CACNB2: variants seen among roughly 807,000 people sequenced by gnomAD.
CACNB2 encodes calcium voltage-gated channel auxiliary subunit beta 2.
A neutral mutation model predicts 73.3 loss-of-function variants in CACNB2; 42 were observed. That is an observed-to-expected ratio of 0.57 (90% CI 0.45 to 0.74). CACNB2 has a LOEUF of 0.74. CACNB2 is among the 30% of genes least tolerant of loss of function. The pLI, the probability that CACNB2 is intolerant of heterozygous loss-of-function variation, is 0.00. For missense variants in CACNB2, 940 were observed against 853.0 expected (o/e 1.10, Z -1.27); for synonymous variants, 348 against 310.3 (o/e 1.12, Z -1.28).
At chr10:18,481,230 A>ATTT (rs1183940542) in intron 3 of CACNB2, among the ~76,000 whole-genome samples, 8 of 17,978 alleles carry the variant, frequency 4.4e-4, no homozygotes, top group African/African-American at 4.7e-4. Context: ...ATATATATAT[A>ATTT]TTTTTTTTTT....
intron 2 of CACNB2, among the ~76,000 whole-genome samples, chr10:18,247,382 A>G (rs903563233): frequency 2.6e-5 from 4 of 152,188 alleles, no homozygotes; most frequent in Admixed American, 6.5e-5. Context: ...CCATTCAAAC[A>G]TATTTTTACT....
chr10:18,400,806 C>G, intron 2 of CACNB2: 2 of 1,437,162 alleles, frequency 1.4e-6, no homozygotes, highest in Non-Finnish European at 1.8e-6. Flanking sequence ...ATATAAAGCA[C>G]TCGAGTGTGT....
chr10:18,532,782 A>C (rs2053196074), intron 10 of CACNB2, among the ~76,000 whole-genome samples: 1 of 152,114 alleles, frequency 6.6e-6, no homozygotes, highest in Admixed American at 6.5e-5. Flanking sequence ...GCAAGGAGTT[A>C]CACGGGATGC....
At chr10:18,294,299 G>T in intron 2 of CACNB2, among the ~76,000 whole-genome samples, 1 of 152,180 alleles carries the variant, frequency 6.6e-6, no homozygotes, top group East Asian at 1.9e-4. Flanking sequence ...TGACAGTGTA[G>T]CTCTCTGTGC....
intron 2 of CACNB2, among the ~76,000 whole-genome samples, chr10:18,325,691 CT>C (rs1423776103): frequency 2.1e-4 from 26 of 122,162 alleles, no homozygotes; most frequent in East Asian, 9.2e-4. Flanking sequence ...CCCTCCCTCC[CT>C]TCCTTCCTTC....
At chr10:18,183,856 G>A (rs952883352) in intron 2 of CACNB2, among the ~76,000 whole-genome samples, 12 of 152,132 alleles carry the variant, frequency 7.9e-5, no homozygotes, top group African/African-American at 2.4e-4. Flanking sequence ...GTAGTTCACC[G>A]AATGCCCTAA....
chr10:18,433,058 T>C (rs1250741564), intron 3 of CACNB2, among the ~76,000 whole-genome samples: 2 of 152,052 alleles, frequency 1.3e-5, no homozygotes, highest in African/African-American at 4.8e-5. Context: ...TTTTACCTTG[T>C]TAGAAAGTAA....
At chr10:18,285,249 G>A (rs540188791) in intron 2 of CACNB2, among the ~76,000 whole-genome samples, 2 of 152,286 alleles carry the variant, frequency 1.3e-5, no homozygotes, top group South Asian at 4.1e-4. Context: ...CAGGTCTAAC[G>A]TGGTGAAAGT....
intron 7 of CACNB2, 69 bp from the exon 8 acceptor site, chr10:18,518,267 A>T: frequency 9.8e-7 from 1 of 1,024,450 alleles, no homozygotes; most frequent in South Asian, 1.3e-5. Context: ...CAGAAAGAGT[A>T]CCTTATACAC....
At chr10:18,418,497 GA>G (rs1463721406) in intron 3 of CACNB2, among the ~76,000 whole-genome samples, 1 of 152,202 alleles carries the variant, frequency 6.6e-6, no homozygotes, top group Non-Finnish European at 1.5e-5. Flanking sequence ...AGTCCTCGTG[GA>G]TGAACTGTAA....
At chr10:18,386,443 C>T (rs1032895069) in intron 2 of CACNB2, among the ~76,000 whole-genome samples, 2 of 133,228 alleles carry the variant, frequency 1.5e-5, no homozygotes, top group African/African-American at 5.6e-5. Flanking sequence ...CACTCTGTCG[C>T]CCAGGCTGGA....
intron 3 of CACNB2, among the ~76,000 whole-genome samples, chr10:18,445,671 T>C (rs1274023136): frequency 6.6e-6 from 1 of 152,232 alleles, no homozygotes; most frequent in African/African-American, 2.4e-5. Flanking sequence ...GCACAGTGAA[T>C]ACAGTGCTCT....
At chr10:18,200,511 A>G (rs74120246) in intron 2 of CACNB2, among the ~76,000 whole-genome samples, 4,505 of 151,900 alleles carry the variant, frequency 0.03, 201 homozygotes, top group African/African-American at 0.1. Context: ...TTTTTATAAA[A>G]GTAAATATTT....
intron 3 of CACNB2, among the ~76,000 whole-genome samples, chr10:18,483,737 A>G (rs918165061): frequency 3.3e-5 from 5 of 152,166 alleles, no homozygotes; most frequent in Non-Finnish European, 5.9e-5. Flanking sequence ...GTCAGCATGT[A>G]CTTTGTAAAG....
intron 2 of CACNB2, among the ~76,000 whole-genome samples, chr10:18,185,691 A>T (rs572063979): frequency 2.0e-5 from 3 of 152,344 alleles, no homozygotes; most frequent in South Asian, 2.1e-4. Flanking sequence ...GGCAGAGATG[A>T]TCAGAAAGTA....
At chr10:18,522,645 C>T (rs754099816) in intron 9 of CACNB2, among the ~76,000 whole-genome samples, 1 of 151,814 alleles carries the variant, frequency 6.6e-6, no homozygotes. Context: ...TTTGGGAGGC[C>T]GAGGCGGGTG....
intron 3 of CACNB2, among the ~76,000 whole-genome samples, chr10:18,492,874 A>G (rs117482742): frequency 0.027 from 4,072 of 152,262 alleles, 82 homozygotes; most frequent in Non-Finnish European, 0.042. Context: ...AATGGGGGGT[A>G]AATACAGAGA....
chr10:18,527,198 A>T (rs1347872122), intron 9 of CACNB2, among the ~76,000 whole-genome samples: 1 of 152,070 alleles, frequency 6.6e-6, no homozygotes, highest in Non-Finnish European at 1.5e-5. Context: ...TTCCATAGTG[A>T]AACCCCCTCT....
In CACNB2 at chr10:18,372,119, G is replaced by A. The variant is rs577075248; in HGVS notation, c.214-29805G>A. ...TGGATATTAGACCTTTGTCAGATGA[G>A]TAGATTGCAAAAATTTTCTCCCATT... is the stretch of plus-strand genomic sequence containing the variant. On this transcript the variant is annotated intron_variant, in intron 2 of 13. Coordinates refer to ENST00000324631, the MANE Select transcript of CACNB2 (RefSeq NM_201596.3). Among the ~76,000 whole-genome samples the A allele has an allele frequency of 1.1e-4, 17 of 152,230 alleles. No homozygotes were observed. The South Asian group carries it at 3.5e-3, about 32-fold the overall frequency.
Sources: gnomAD v4.1 joint callset for allele counts (sites outside exome capture counted in the v4.1 genomes callset) on GRCh38, gnomAD v4.1.1 for gene constraint, MANE v1.5 for transcripts, NCBI Gene and HGNC (gene_info 2026-07-23, HGNC 2026-07-21) for gene names.